PCMT1: variants seen among roughly 807,000 people sequenced by gnomAD.
The protein encoded by PCMT1 is protein-L-isoaspartate(D-aspartate) O-methyltransferase.
PCMT1 carries 9 observed loss-of-function variants against 29.2 expected under a neutral mutation model. The ratio of observed to expected loss-of-function variants is 0.31; its 90% CI spans 0.19 to 0.54. The LOEUF is 0.54. PCMT1 is among the 20% of genes least tolerant of loss of function. The pLI is 0.95. For synonymous variants in PCMT1, 98 were observed against 97.5 expected (o/e 1.00, Z -0.03); for missense variants, 184 against 282.2 (o/e 0.65, Z 2.49).
At chr6:149,795,610 T>C in intron 5 of PCMT1, 1 of 505,944 alleles carries the variant, frequency 2.0e-6, no homozygotes, top group South Asian at 1.8e-5. Context: ...GCAGAGGGAA[T>C]TGGTTCCACT....
intron 1 of PCMT1, among the ~76,000 whole-genome samples, chr6:149,763,935 A>G (rs1023898155): frequency 2.6e-5 from 4 of 152,210 alleles, no homozygotes; most frequent in African/African-American, 9.6e-5. Context: ...AGGGAGATTC[A>G]TCTTAATACA....
chr6:149,808,017 A>G (rs1776060582), intron 7 of PCMT1, among the ~76,000 whole-genome samples: 1 of 152,228 alleles, frequency 6.6e-6, no homozygotes, highest in South Asian at 2.1e-4. Context: ...CGTACAAAGC[A>G]AATTGTACAA....
intron 4 of PCMT1, among the ~76,000 whole-genome samples, chr6:149,791,112 G>A (rs1007765446): frequency 2.0e-5 from 3 of 152,036 alleles, no homozygotes; most frequent in African/African-American, 4.8e-5. Context: ...TTTCCCCACC[G>A]GGCCCTGGGA....
At chr6:149,787,186 G>A (rs1408116917) in intron 3 of PCMT1, among the ~76,000 whole-genome samples, 1 of 147,054 alleles carries the variant, frequency 6.8e-6, no homozygotes, top group African/African-American at 2.6e-5. Flanking sequence ...GCTGAGGCAG[G>A]AGAATCAGGC....
At chr6:149,750,017 C>T (rs753462209) in intron 1 of PCMT1, 61 bp downstream of exon 1, 1 of 1,537,438 alleles carries the variant, frequency 6.5e-7, no homozygotes, top group Middle Eastern at 2.1e-4. Flanking sequence ...GACCGGGTCC[C>T]CCTGGGCCGT....
At position 149,793,556 on chromosome 6, in the gene PCMT1, G is replaced by A. The variant is rs921219512; in HGVS notation, c.305G>A (p.Cys102Tyr). The A allele has an allele frequency of 6.8e-7, 1 of 1,477,570 alleles. No homozygotes were observed. The highest frequency in any genetic ancestry group is 8.9e-7 in the Non-Finnish European group (1 of 1,119,106). 91.5% of individuals were successfully genotyped at this position (1,477,570 alleles called of 1,614,324 possible). Residue 102 changes from cysteine to tyrosine, a missense_variant, in exon 5 of 8, where the codon TGT becomes TAT. Coordinates refer to ENST00000464889, the MANE Select transcript of PCMT1 (RefSeq NM_001360452.2). ...LTACFARMVG[C>Y]TGKVIGIDHI... ...TTGTTTTCTCTTTTCCAGGTTGGAT[G>A]TACTGGAAAAGTCATAGGAATTGAT...
intron 1 of PCMT1, among the ~76,000 whole-genome samples, chr6:149,764,941 T>A (rs1356633691): frequency 6.7e-6 from 1 of 149,698 alleles, no homozygotes; most frequent in Non-Finnish European, 1.5e-5. Flanking sequence ...CTCTGGAGGC[T>A]GAGGCAGGAA....
intron 1 of PCMT1, among the ~76,000 whole-genome samples, chr6:149,766,709 C>T (rs1350281095): frequency 6.6e-6 from 1 of 152,180 alleles, no homozygotes; most frequent in Admixed American, 6.6e-5. Context: ...TGGACCTTTA[C>T]AGTTGTTTGC....
chr6:149,804,114 A>G (rs1775938514), intron 7 of PCMT1, among the ~76,000 whole-genome samples: 2 of 150,806 alleles, frequency 1.3e-5, no homozygotes, highest in Non-Finnish European at 3.0e-5. Context: ...TTAAAAAGGC[A>G]TTTAAAAAAT....
chr6:149,749,765 G>C lies in PCMT1; in HGVS notation c.-137G>C, dbSNP rs936805166. On this transcript the variant is annotated 5_prime_UTR_variant, in exon 1 of 8. Transcript: ENST00000464889. ...CGCAGTGGCGGCAGCGGCGGCGACG[G>C]CAGTAACAGCGGCAGCTACAGCGGG... 3 of 1,547,650 alleles carry C rather than the reference G, an allele frequency of 1.9e-6. No individual in the cohort carries two copies. The highest frequency in any genetic ancestry group is 2.5e-5 in the East Asian group (1 of 40,816).
At position 149,796,459 on chromosome 6, in the gene PCMT1, G is replaced by T; in HGVS notation, c.463G>T (p.Ala155Ser). The T allele has an allele frequency of 6.2e-7, 1 of 1,613,826 alleles. No homozygotes were observed. The change falls in exon 6 of 8, where the codon GCC becomes TCC. Residue 155 changes from alanine to serine, a missense_variant. Transcript: ENST00000464889. ...MGYAEEAPYD[A>S]IHVGAAAPVV... The stretch of plus-strand genomic sequence containing the variant: ...ATATGCTGAAGAAGCCCCTTATGAT[G>T]CCATTCATGTGGGAGCTGCAGCCCC...
intron 5 of PCMT1, chr6:149,795,581 G>A: frequency 1.9e-6 from 1 of 525,490 alleles, no homozygotes; most frequent in South Asian, 1.8e-5. Context: ...AACCCAATGA[G>A]AAAGGAGAGT....
At chr6:149,766,624 C>T (rs1583015445) in intron 1 of PCMT1, among the ~76,000 whole-genome samples, 2 of 152,302 alleles carry the variant, frequency 1.3e-5, no homozygotes, top group East Asian at 3.9e-4. Flanking sequence ...TCTGGCTGTT[C>T]TTGCATCACA....
chr6:149,777,816 C>G (rs141287032), intron 3 of PCMT1, among the ~76,000 whole-genome samples: 3 of 149,724 alleles, frequency 2.0e-5, no homozygotes, highest in Admixed American at 6.7e-5. Flanking sequence ...TGTCCTTTCT[C>G]TTTCTTTTCT....
At position 149,810,715 on chromosome 6, in the gene PCMT1, C is replaced by G. The variant is rs1562431021; in HGVS notation, c.*137C>G. On this transcript the variant is annotated 3_prime_UTR_variant, in exon 8 of 8. Coordinates refer to ENST00000464889, the MANE Select transcript of PCMT1 (RefSeq NM_001360452.2). ...TTTTTGAAAACCAACACCATCACAG[C>G]TTGTTTTGGACTTTGTTACACTGTT... 1.0e-6 allele frequency: 1 copy of G among 996,068 alleles called. No individual in the cohort carries two copies. Among genetic ancestry groups the G allele is most frequent in the Non-Finnish European group, 1.5e-6 (1 of 649,102 alleles). 61.7% of individuals were successfully genotyped at this position (996,068 alleles called of 1,614,324 possible).
At position 149,786,271 on chromosome 6, in the gene PCMT1, A is replaced by AC. The variant is rs1166671557; in HGVS notation, c.193-3675dup. The stretch of plus-strand genomic sequence containing the variant: ...GGCGGCTGGCCGGGCGGGGGTGCTG[A>AC]CCCCCCCCACCTCCCTCCAGGACGG... On this transcript the variant is annotated intron_variant, in intron 3 of 7. Coordinates refer to ENST00000464889, the MANE Select transcript of PCMT1 (RefSeq NM_001360452.2). Among the ~76,000 whole-genome samples the AC allele has an allele frequency of 1.7e-3, 59 of 35,324 alleles. 2 individuals carry two copies. Among genetic ancestry groups the AC allele is most frequent in the African/African-American group, 0.012 (39 of 3,234 alleles). 23.2% of individuals were successfully genotyped at this position (35,324 alleles called of 152,430 possible).
intron 3 of PCMT1, among the ~76,000 whole-genome samples, chr6:149,774,947 T>G (rs1583025084): frequency 6.6e-6 from 1 of 152,076 alleles, no homozygotes; most frequent in Non-Finnish European, 1.5e-5. Context: ...GACCTTGTGA[T>G]CCGCCCGCCT....
chr6:149,806,203 C>G (rs1202921509), intron 7 of PCMT1, among the ~76,000 whole-genome samples: 2 of 152,134 alleles, frequency 1.3e-5, no homozygotes, highest in Admixed American at 1.3e-4. Context: ...ACTGACTGCT[C>G]TCATGGAGCT....
At chr6:149,809,114 C>A (rs1288344511) in intron 7 of PCMT1, among the ~76,000 whole-genome samples, 1 of 149,554 alleles carries the variant, frequency 6.7e-6, no homozygotes, top group East Asian at 2.0e-4. Context: ...AAAAATTTAG[C>A]CGGGTATGGT....
Sources: gnomAD v4.1 joint callset for allele counts (sites outside exome capture counted in the v4.1 genomes callset) on GRCh38, gnomAD v4.1.1 for gene constraint, MANE v1.5 for transcripts, NCBI Gene and HGNC (gene_info 2026-07-23, HGNC 2026-07-21) for gene names.